GPATCH8: variants seen among roughly 807,000 people sequenced by gnomAD.
The protein encoded by GPATCH8 is G patch domain-containing protein 8.
A neutral mutation model predicts 118.3 loss-of-function variants in GPATCH8; 18 were observed. The observed-to-expected ratio is 0.15, with a 90% CI of 0.11 to 0.23. GPATCH8 has a LOEUF of 0.23. GPATCH8 is among the 10% of genes least tolerant of loss of function. The pLI is 1.00. For synonymous variants in GPATCH8, 659 were observed against 684.7 expected, an observed-to-expected ratio of 0.96 and a Z score of 0.59; for missense variants, 1,631 against 1,873.8, an observed-to-expected ratio of 0.87 and a Z score of 2.39.
At position 44,401,201 on chromosome 17, in the gene GPATCH8, C is replaced by A; in HGVS notation, c.876G>T (p.Gly292=). The A allele has an allele frequency of 6.2e-7, 1 of 1,613,986 alleles. No individual in the cohort carries two copies. The highest frequency in any genetic ancestry group is 8.5e-7 in the Non-Finnish European group (1 of 1,179,890). The stretch of plus-strand genomic sequence containing the variant: ...ACACTCCCAATTTTTGCAATGGGGT[C>A]CCCAGATTATTCTTAATGCCAAAGC... ...GISFGIKNNL[G]TPLQKLGVSF... Residue 292 remains glycine (G), a synonymous_variant, in exon 8 of 8, where the codon GGG becomes GGT. Coordinates refer to ENST00000591680, the MANE Select transcript of GPATCH8 (RefSeq NM_001002909.4).
chr17:44,502,407 AG>A (rs1483795857), intron 1 of GPATCH8, among the ~76,000 whole-genome samples: 1 of 151,200 alleles, frequency 6.6e-6, no homozygotes, highest in Non-Finnish European at 1.5e-5. Context: ...ACCTAGAAAT[AG>A]CCAATCTCTA....
intron 3 of GPATCH8, among the ~76,000 whole-genome samples, chr17:44,444,807 C>T (rs906359754): frequency 1.1e-4 from 16 of 152,098 alleles, no homozygotes; most frequent in Non-Finnish European, 2.1e-4. Flanking sequence ...CACTTTTGTG[C>T]CCTGAGTTTT....
intron 5 of GPATCH8, among the ~76,000 whole-genome samples, chr17:44,432,044 T>C (rs1185959641): frequency 6.9e-6 from 1 of 145,976 alleles, no homozygotes; most frequent in Admixed American, 6.8e-5. Flanking sequence ...TAAATCAGAG[T>C]GGGTTTTTTT....
chr17:44,467,866 G>C (rs1966923633), intron 2 of GPATCH8, among the ~76,000 whole-genome samples: 1 of 152,152 alleles, frequency 6.6e-6, no homozygotes, highest in Non-Finnish European at 1.5e-5. Context: ...AAACAAACCA[G>C]ACTTGTCTAC....
chr17:44,399,056 C>T lies in GPATCH8; in HGVS notation c.3021G>A (p.Lys1007=). 6.2e-7 allele frequency: 1 copy of T among 1,614,174 alleles called. No individual in the cohort carries two copies. Among genetic ancestry groups the T allele is most frequent in the Non-Finnish European group, 8.5e-7 (1 of 1,180,020 alleles). Residue 1007 remains lysine, a synonymous_variant, in exon 8 of 8, where the codon AAG becomes AAA. Transcript: ENST00000591680. Reference sequence around the variant, plus strand: ...CAGGGCTCTCGTGACCCCATGATCTCTTCCTGGAGCCTGATCTCTGGGAAG... The same window carrying T: ...CAGGGCTCTCGTGACCCCATGATCTTTTCCTGGAGCCTGATCTCTGGGAAG... ...RSPSQRSGSR[K]RSWGHESPEE...
At chr17:44,500,275 T>C (rs1469100734) in intron 1 of GPATCH8, among the ~76,000 whole-genome samples, 1 of 152,214 alleles carries the variant, frequency 6.6e-6, no homozygotes, top group African/African-American at 2.4e-5. Context: ...GCTAAGTTAC[T>C]TAATTCTCTG....
intron 3 of GPATCH8, among the ~76,000 whole-genome samples, chr17:44,455,872 C>T (rs570586910): frequency 2.0e-5 from 3 of 152,188 alleles, no homozygotes; most frequent in South Asian, 2.1e-4. Context: ...CTCAGCCTCC[C>T]GAGTAGCTGG....
At chr17:44,420,986 G>C (rs1270233419) in intron 6 of GPATCH8, among the ~76,000 whole-genome samples, 1 of 151,742 alleles carries the variant, frequency 6.6e-6, no homozygotes, top group African/African-American at 2.4e-5. Context: ...CGAGCAGCTG[G>C]GACTACTAGC....
intron 6 of GPATCH8, among the ~76,000 whole-genome samples, chr17:44,413,731 T>C (rs553796757): frequency 6.6e-6 from 1 of 152,284 alleles, no homozygotes; most frequent in African/African-American, 2.4e-5. Context: ...GCAATTCTCC[T>C]GCCTCAGCCT....
intron 6 of GPATCH8, among the ~76,000 whole-genome samples, chr17:44,422,773 C>T (rs1236212922): frequency 1.3e-5 from 2 of 151,732 alleles, no homozygotes; most frequent in African/African-American, 4.8e-5. Flanking sequence ...CCACCGCACC[C>T]GGCCGGCCTA....
chr17:44,502,673 G>A (rs564116006), intron 1 of GPATCH8, among the ~76,000 whole-genome samples: 2 of 152,224 alleles, frequency 1.3e-5, no homozygotes, highest in East Asian at 3.9e-4. Flanking sequence ...AGGATTTGAG[G>A]TTAGGCTCAC....
intron 6 of GPATCH8, among the ~76,000 whole-genome samples, chr17:44,417,340 T>C (rs28571240): frequency 0.6 from 91,776 of 151,996 alleles, 27,923 homozygotes; most frequent in Middle Eastern, 0.67. Flanking sequence ...TCAGCCCCTC[T>C]AGCAGCTGGG....
intron 6 of GPATCH8, among the ~76,000 whole-genome samples, chr17:44,411,241 AC>A (rs1476780013): frequency 2.6e-5 from 4 of 152,174 alleles, no homozygotes; most frequent in Non-Finnish European, 5.9e-5. Flanking sequence ...AGTGGTTAGA[AC>A]TTTTAAGATA....
At chr17:44,422,777 C>A (rs571619982) in intron 6 of GPATCH8, among the ~76,000 whole-genome samples, 1 of 151,680 alleles carries the variant, frequency 6.6e-6, no homozygotes, top group Non-Finnish European at 1.5e-5. Context: ...CGCACCCGGC[C>A]GGCCTAACAT....
In GPATCH8 at chr17:44,463,971, T is replaced by C. The variant is rs113750209; in HGVS notation, c.193+501A>G. On this transcript the variant is annotated intron_variant, in intron 3 of 7. Coordinates refer to ENST00000591680, the MANE Select transcript of GPATCH8 (RefSeq NM_001002909.4). ...ACCTCTGCTTTCATTTTATGTTTCA[T>C]GGAGGTTAATTTTTCTTCTCTACCA... 4.1e-3 allele frequency among the ~76,000 whole-genome samples: 625 copies of C among 152,276 alleles called. 8 individuals are homozygous for C. The highest frequency in any genetic ancestry group is 0.014 in the African/African-American group (573 of 41,564).
chr17:44,470,768 A>T (rs1967218816), intron 2 of GPATCH8, among the ~76,000 whole-genome samples: 1 of 152,266 alleles, frequency 6.6e-6, no homozygotes, highest in East Asian at 1.9e-4. Context: ...TCAGCATCCC[A>T]AAGTGCTGGG....
chr17:44,485,843 T>C (rs1180871973), intron 1 of GPATCH8, among the ~76,000 whole-genome samples: 1 of 152,246 alleles, frequency 6.6e-6, no homozygotes, highest in Non-Finnish European at 1.5e-5. Context: ...CCAGGTACTC[T>C]TTCTTCATCT....
intron 3 of GPATCH8, among the ~76,000 whole-genome samples, chr17:44,458,689 T>C (rs1250036306): frequency 4.6e-5 from 7 of 152,068 alleles, no homozygotes; most frequent in Non-Finnish European, 1.0e-4. Context: ...GCCTGGCTAA[T>C]CTATTTTTTA....
At chr17:44,486,130 T>G (rs1288422825) in intron 1 of GPATCH8, 1 of 152,248 alleles carries the variant, frequency 6.6e-6, no homozygotes, top group Non-Finnish European at 1.5e-5. Context: ...GTTGCCTATG[T>G]AAATAAAATG....
Sources: allele counts gnomAD v4.1 joint callset (sites outside exome capture counted in the v4.1 genomes callset), GRCh38; gene constraint gnomAD v4.1.1; transcripts MANE v1.5; gene names NCBI Gene and HGNC (gene_info 2026-07-23, HGNC 2026-07-21).